The following MYT1L variants were observed in gnomAD, a reference collection of about 807,000 sequenced individuals.
The protein encoded by MYT1L is myelin transcription factor 1-like protein.
A neutral mutation model predicts 126.7 loss-of-function variants in MYT1L; 12 were observed. The observed-to-expected ratio is 0.09, with a 90% confidence interval of 0.06 to 0.15. The LOEUF is 0.15. Among genes scored for constraint, MYT1L ranks in the 10% least tolerant of loss-of-function variants. The pLI is 1.00. For synonymous variants in MYT1L, 541 were observed against 604.2 expected, an observed-to-expected ratio of 0.90 and a Z score of 1.53; for missense variants, 979 against 1,585.2, an observed-to-expected ratio of 0.62 and a Z score of 6.49.
chr2:1,797,875 CCGG>C, intron 23 of MYT1L, among the ~76,000 whole-genome samples: 1 of 139,046 alleles, frequency 7.2e-6, no homozygotes, highest in South Asian at 2.4e-4. Flanking sequence ...CTCCCCCCAT[CCGG>C]CACAGGCGCG....
At chr2:2,135,191 C>T (rs979435212) in intron 3 of MYT1L, among the ~76,000 whole-genome samples, 7 of 152,108 alleles carry the variant, frequency 4.6e-5, no homozygotes, top group Non-Finnish European at 7.4e-5. Flanking sequence ...TCCCACGTGT[C>T]ATGGGAGGGG....
At chr2:2,226,963 C>A (rs933960837) in intron 2 of MYT1L, among the ~76,000 whole-genome samples, 1 of 152,154 alleles carries the variant, frequency 6.6e-6, no homozygotes, top group African/African-American at 2.4e-5. Flanking sequence ...CTTATTTAGA[C>A]TATGCTTTGC....
At chr2:2,057,478 G>A (rs761269197) in intron 3 of MYT1L, among the ~76,000 whole-genome samples, 31 of 150,718 alleles carry the variant, frequency 2.1e-4, no homozygotes, top group Non-Finnish European at 4.0e-4. Context: ...TCATTGCCAC[G>A]TCCATCCCCC....
chr2:2,314,218 C>T (rs887325463), intron 1 of MYT1L, among the ~76,000 whole-genome samples: 1 of 152,090 alleles, frequency 6.6e-6, no homozygotes, highest in Non-Finnish European at 1.5e-5. Flanking sequence ...AAAAAGCAAA[C>T]CATTAATAGT....
chr2:1,980,878 C>T (rs777978784), intron 5 of MYT1L, among the ~76,000 whole-genome samples: 1 of 152,198 alleles, frequency 6.6e-6, no homozygotes, highest in East Asian at 1.9e-4. Context: ...CTACTCAAGA[C>T]GACGGGGGAG....
chr2:2,312,673 A>T (rs2095994192), intron 1 of MYT1L, among the ~76,000 whole-genome samples: 1 of 152,076 alleles, frequency 6.6e-6, no homozygotes, highest in African/African-American at 2.4e-5. Flanking sequence ...TGACAGTTTC[A>T]TTCTATGCTT....
At chr2:1,833,858 CT>C (rs35021221) in intron 21 of MYT1L, among the ~76,000 whole-genome samples, 65,518 of 152,078 alleles carry the variant, frequency 0.43, 14,826 homozygotes, top group East Asian at 0.67. Context: ...GCCCTCCTGC[CT>C]AACCCTCAAC....
At position 1,790,707 on chromosome 2, in the gene MYT1L, G is replaced by A. The variant is rs968109409; in HGVS notation, c.*1160C>T. ...CAAAGTCGGGCGGGGGGAGCAGGAG[G>A]GAAACTTTACCGAGCTGCCTTCCCA... On this transcript the variant is annotated 3_prime_UTR_variant, in exon 25 of 25. Coordinates refer to ENST00000647738, the MANE Select transcript of MYT1L (RefSeq NM_001303052.2). 6.4e-6 allele frequency: 1 copy of A among 155,086 alleles called. No individual in the cohort carries two copies. The highest frequency in any genetic ancestry group is 1.4e-5 in the Non-Finnish European group (1 of 69,844). 9.6% of individuals were successfully genotyped at this position (155,086 alleles called of 1,614,324 possible).
intron 9 of MYT1L, among the ~76,000 whole-genome samples, chr2:1,924,344 A>G (rs1159409112): frequency 6.6e-6 from 1 of 152,180 alleles, no homozygotes; most frequent in Non-Finnish European, 1.5e-5. Flanking sequence ...GGGTTCCTAA[A>G]TGTATCTGTA....
chr2:2,116,512 T>C (rs1448785346), intron 3 of MYT1L, among the ~76,000 whole-genome samples: 2 of 152,234 alleles, frequency 1.3e-5, no homozygotes, highest in Admixed American at 6.5e-5. Context: ...CTACACATCA[T>C]GGAACTTGTC....
At chr2:2,188,457 G>A (rs530093173) in intron 2 of MYT1L, among the ~76,000 whole-genome samples, 305 of 152,326 alleles carry the variant, frequency 2.0e-3, no homozygotes, top group Non-Finnish European at 3.6e-3. Flanking sequence ...GATAGGAGCC[G>A]TGCACAAGCG....
At chr2:1,839,114 A>C in intron 21 of MYT1L, 35 bp downstream of exon 21, 2 of 1,563,720 alleles carry the variant, frequency 1.3e-6, no homozygotes, top group Non-Finnish European at 1.7e-6. Flanking sequence ...CGGCGGCACC[A>C]TCCCAGCCAG....
At chr2:1,831,360 A>G (rs534923410) in intron 21 of MYT1L, among the ~76,000 whole-genome samples, 1 of 151,616 alleles carries the variant, frequency 6.6e-6, no homozygotes, top group South Asian at 2.1e-4. Context: ...TCTTTAAACC[A>G]TTTCTTCCTC....
chr2:2,103,210 A>G (rs576628644), intron 3 of MYT1L, among the ~76,000 whole-genome samples: 17 of 152,312 alleles, frequency 1.1e-4, no homozygotes, highest in Middle Eastern at 3.4e-3. Context: ...CCAGCAATGA[A>G]ACAAATATAC....
intron 3 of MYT1L, among the ~76,000 whole-genome samples, chr2:2,078,810 A>T (rs181285112): frequency 3.3e-4 from 50 of 152,364 alleles, no homozygotes; most frequent in Non-Finnish European, 6.3e-4. Flanking sequence ...TTTGCAGGGT[A>T]GAATATCAGT....
chr2:2,132,195 C>A (rs2082457413), intron 3 of MYT1L, among the ~76,000 whole-genome samples: 1 of 151,830 alleles, frequency 6.6e-6, no homozygotes, highest in East Asian at 2.0e-4. Context: ...GCATGAGCCA[C>A]TGCGCCCAGC....
At chr2:2,056,446 C>T (rs920015971) in intron 3 of MYT1L, among the ~76,000 whole-genome samples, 3 of 152,220 alleles carry the variant, frequency 2.0e-5, no homozygotes, top group Non-Finnish European at 2.9e-5. Context: ...AGGCTAAATG[C>T]CCTTGCAGGG....
chr2:1,983,343 T>C (rs1034363562), intron 5 of MYT1L, among the ~76,000 whole-genome samples: 6 of 152,252 alleles, frequency 3.9e-5, no homozygotes, highest in Non-Finnish European at 7.3e-5. Flanking sequence ...GGGGTTCCCC[T>C]TTCTTTCCCT....
chr2:2,173,071 G>C (rs1192115237), intron 2 of MYT1L, 83 bp from the exon 3 acceptor site: 1 of 152,238 alleles, frequency 6.6e-6, no homozygotes, highest in Non-Finnish European at 1.5e-5. Context: ...CCTGTGCTGT[G>C]ACACTCACAA....
Sources: allele counts gnomAD v4.1 joint callset (sites outside exome capture counted in the v4.1 genomes callset), GRCh38; gene constraint gnomAD v4.1.1; transcripts MANE v1.5; gene names NCBI Gene and HGNC (gene_info 2026-07-23, HGNC 2026-07-21).